KDM2A: variants seen among roughly 807,000 people sequenced by gnomAD.
The protein encoded by KDM2A is lysine demethylase 2A.
KDM2A carries 3 observed loss-of-function variants against 137.3 expected under a neutral mutation model. The observed-to-expected ratio is 0.02, with a 90% CI of 0.01 to 0.06. The LOEUF (loss-of-function observed/expected upper bound fraction) is 0.06, where lower values mean the gene tolerates loss of function less well. Among genes scored for constraint, KDM2A ranks in the 10% least tolerant of loss-of-function variants. The pLI, the probability that KDM2A is intolerant of heterozygous loss-of-function variation, is 1.00. For missense variants in KDM2A, 738 were observed against 1,510.6 expected, an observed-to-expected ratio of 0.49 and a Z score of 8.48; for synonymous variants, 512 against 541.5, an observed-to-expected ratio of 0.95 and a Z score of 0.76.
At chr11:67,122,450 G>T (rs1855617861) in intron 2 of KDM2A, among the ~76,000 whole-genome samples, 2 of 150,950 alleles carry the variant, frequency 1.3e-5, no homozygotes, top group Admixed American at 6.6e-5. Context: ...CCTCAGCCTT[G>T]CAAGTAGCTG....
In KDM2A at chr11:67,255,028, C is replaced by T. The variant is rs556876328; in HGVS notation, c.3462C>T (p.Asp1154=). The T allele has an allele frequency of 2.0e-5, 33 of 1,612,424 alleles. 1 individual carries two copies. The highest frequency in any genetic ancestry group is 1.8e-4 in the South Asian group (16 of 90,738). ...LSINSLYCLS[D]EKLIQKIS Reference sequence around the variant, plus strand: ...TCAACAGCCTCTACTGCCTGTCTGACGAGAAGCTGATACAGAAGATCAGCT... The same window carrying T: ...TCAACAGCCTCTACTGCCTGTCTGATGAGAAGCTGATACAGAAGATCAGCT... Residue 1154 remains aspartate, a synonymous_variant, in exon 21 of 21, where the codon GAC becomes GAT. Coordinates refer to ENST00000529006, the MANE Select transcript of KDM2A (RefSeq NM_012308.3).
intron 2 of KDM2A, chr11:67,132,086 G>A (rs1196304501): frequency 6.6e-6 from 1 of 152,222 alleles, no homozygotes; most frequent in African/African-American, 2.4e-5. Context: ...AGGTAGAGAG[G>A]AGGAGGGAAG....
intron 2 of KDM2A, among the ~76,000 whole-genome samples, chr11:67,151,473 C>T (rs1000966222): frequency 1.3e-5 from 2 of 152,090 alleles, no homozygotes; most frequent in South Asian, 2.1e-4. Flanking sequence ...TTCCGCCTCC[C>T]GAATAAGTGG....
At chr11:67,124,962 A>G (rs1855685383) in intron 2 of KDM2A, among the ~76,000 whole-genome samples, 1 of 148,852 alleles carries the variant, frequency 6.7e-6, no homozygotes, top group Non-Finnish European at 1.5e-5. Flanking sequence ...GGTTCACGCC[A>G]TTCTCCTGCC....
intron 16 of KDM2A, among the ~76,000 whole-genome samples, chr11:67,249,633 TTG>T (rs2136459036): frequency 6.6e-6 from 1 of 152,338 alleles, no homozygotes; most frequent in Admixed American, 6.5e-5. Flanking sequence ...AGAGAGGTTC[TTG>T]TTATCTGCTT....
intron 12 of KDM2A, among the ~76,000 whole-genome samples, chr11:67,237,242 T>C (rs571706962): frequency 1.1e-3 from 161 of 152,268 alleles, no homozygotes; most frequent in Non-Finnish European, 1.8e-3. Flanking sequence ...TAAAAATTTA[T>C]GTTAGGCCCC....
intron 2 of KDM2A, among the ~76,000 whole-genome samples, chr11:67,127,126 C>T (rs1855748693): frequency 6.6e-6 from 1 of 152,112 alleles, no homozygotes; most frequent in East Asian, 1.9e-4. Flanking sequence ...GAGACAGGGT[C>T]TCACTCCGTT....
chr11:67,146,640 C>T (rs1457157063), intron 2 of KDM2A, among the ~76,000 whole-genome samples: 1 of 151,974 alleles, frequency 6.6e-6, no homozygotes, highest in African/African-American at 2.4e-5. Context: ...CCACAAGTAC[C>T]AGGGACTACA....
At chr11:67,167,068 ACT>A (rs780853482) in intron 2 of KDM2A, among the ~76,000 whole-genome samples, 1 of 152,034 alleles carries the variant, frequency 6.6e-6, no homozygotes, top group African/African-American at 2.4e-5. Flanking sequence ...ACAGAGCGAG[ACT>A]CTGCCTCAAA....
At chr11:67,218,494 A>C in intron 9 of KDM2A, among the ~76,000 whole-genome samples, 1 of 152,206 alleles carries the variant, frequency 6.6e-6, no homozygotes, top group East Asian at 1.9e-4. Context: ...ATGGCTTTGA[A>C]TGTGGCCTAA....
At chr11:67,204,771 G>T (rs984494360) in intron 5 of KDM2A, among the ~76,000 whole-genome samples, 2 of 152,112 alleles carry the variant, frequency 1.3e-5, no homozygotes, top group Non-Finnish European at 2.9e-5. Flanking sequence ...GATTACAGGC[G>T]TGAGCCACCA....
chr11:67,232,050 G>A (rs771491306), intron 12 of KDM2A, 90 bp downstream of exon 12: 2 of 1,283,114 alleles, frequency 1.6e-6, no homozygotes, highest in Non-Finnish European at 2.1e-6. Context: ...GGAATTTTGG[G>A]TGATCTCTGG....
intron 10 of KDM2A, among the ~76,000 whole-genome samples, chr11:67,223,722 T>A (rs978570618): frequency 6.6e-6 from 1 of 152,158 alleles, no homozygotes; most frequent in Admixed American, 6.6e-5. Context: ...TTCTTTTTTT[T>A]AAACTGTCAT....
chr11:67,121,104 C>A (rs1855589064), intron 1 of KDM2A, 130 bp from the exon 2 acceptor site: 1 of 565,934 alleles, frequency 1.8e-6, no homozygotes, highest in African/African-American at 1.9e-5. Flanking sequence ...GCAGAAAGGT[C>A]CCAAACTCAT....
chr11:67,121,023 C>T (rs553039638), intron 1 of KDM2A, among the ~76,000 whole-genome samples: 1 of 152,026 alleles, frequency 6.6e-6, no homozygotes. Flanking sequence ...ACCAACATCT[C>T]GTTTCGTCTA....
At chr11:67,190,182 G>A (rs1857316657) in intron 5 of KDM2A, among the ~76,000 whole-genome samples, 1 of 152,224 alleles carries the variant, frequency 6.6e-6, no homozygotes, top group Non-Finnish European at 1.5e-5. Flanking sequence ...GGCCGAGGCG[G>A]GTGGATCACC....
intron 2 of KDM2A, among the ~76,000 whole-genome samples, chr11:67,162,625 C>G (rs975210181): frequency 1.3e-5 from 2 of 152,082 alleles, no homozygotes; most frequent in East Asian, 1.9e-4. Context: ...AGACTGGTCT[C>G]GAACTCCTGA....
chr11:67,145,604 C>T (rs1180221423), intron 2 of KDM2A, among the ~76,000 whole-genome samples: 7 of 151,914 alleles, frequency 4.6e-5, no homozygotes, highest in South Asian at 4.1e-4. Context: ...CTTACCCTAA[C>T]GTTATACTAC....
intron 2 of KDM2A, among the ~76,000 whole-genome samples, chr11:67,175,128 G>T (rs575296187): frequency 9.8e-5 from 15 of 152,304 alleles, no homozygotes; most frequent in Non-Finnish European, 2.1e-4. Flanking sequence ...AGCAGAGATT[G>T]TGTTATTGCC....
Sources: allele counts gnomAD v4.1 joint callset (sites outside exome capture counted in the v4.1 genomes callset), GRCh38; gene constraint gnomAD v4.1.1; transcripts MANE v1.5; gene names NCBI Gene and HGNC (gene_info 2026-07-23, HGNC 2026-07-21).